The following TUB variants were observed in gnomAD, a reference collection of about 807,000 sequenced individuals.
The protein encoded by TUB is tubby protein homolog.
In TUB, 33 loss-of-function variants were observed where a neutral mutation model predicts 59.7. The ratio of observed to expected loss-of-function variants is 0.55; its 90% confidence interval spans 0.42 to 0.74. The LOEUF is 0.74. Among genes scored for constraint, TUB ranks in the 30% least tolerant of loss-of-function variants. The pLI, the probability that TUB is intolerant of heterozygous loss-of-function variation, is 0.00. For missense variants in TUB, 659 were observed against 672.0 expected (o/e 0.98, Z 0.21); for synonymous variants, 293 against 256.4 (o/e 1.14, Z -1.36).
Position 8,094,138 on chromosome 11 carries a change from G to A in TUB, c.346G>A (p.Ala116Thr). 1 of 1,614,132 alleles carries A rather than the reference G, an allele frequency of 6.2e-7. No individual in the cohort carries two copies. Residue 116 changes from alanine to threonine, a missense_variant, in exon 4 of 12, where the codon GCA (alanine) becomes ACA (threonine). Physicochemically the swap from Ala to Thr is moderately conservative, Grantham distance 58. This residue lies in a region of TUB where 321 missense variants were observed against 304.3 expected (regional missense o/e 1.05). Transcript: ENST00000299506. ...SAKRTKAAAT[A>T]GGQGGAARKE... ...CAAGAGAACCAAGGCGGCAGCTACA[G>A]CAGGGGGCCAGGGTGGCGCCGCTAG... is the stretch of plus-strand genomic sequence containing the variant.
At chr11:8,053,811 G>A (rs1030360438) in intron 2 of TUB, among the ~76,000 whole-genome samples, 14 of 145,988 alleles carry the variant, frequency 9.6e-5, no homozygotes, top group Admixed American at 8.9e-4. Context: ...AATAATTGTC[G>A]TTTTTAAAAG....
intron 5 of TUB, 119 bp from the exon 6 acceptor site, chr11:8,096,566 C>T: frequency 1.4e-6 from 1 of 732,484 alleles, no homozygotes; most frequent in Non-Finnish European, 2.5e-6. Context: ...AGAGTGTGTG[C>T]ATAAGTTTGT....
At chr11:8,073,186 C>T (rs1006039018) in intron 2 of TUB, among the ~76,000 whole-genome samples, 2 of 152,232 alleles carry the variant, frequency 1.3e-5, no homozygotes, top group Non-Finnish European at 2.9e-5. Context: ...TGACTCCAAT[C>T]CCATAGCACC....
chr11:8,038,599 AT>A (rs1233283531), upstream of TUB: 1 of 1,153,480 alleles, frequency 8.7e-7, no homozygotes, highest in African/African-American at 1.6e-5. Flanking sequence ...GAAACCAGCA[AT>A]TGGGTGTCCC....
rs1423089666 is a variant in TUB, at chr11:8,103,473, C to T, written c.*1854C>T. ...TTTTGACTTAAGTAGAAGTAATATG[C>T]TCTCATTTCTTTGTAATCTAGATTT... On this transcript the variant is annotated 3_prime_UTR_variant, in exon 12 of 12. Coordinates refer to ENST00000299506, the MANE Select transcript of TUB (RefSeq NM_177972.3). The T allele has an allele frequency of 1.3e-5, 2 of 151,974 alleles. No individual in the cohort carries two copies. The highest frequency in any genetic ancestry group is 4.8e-5 in the African/African-American group (2 of 41,250). The allele number at this position is 151,974 out of a possible 1,614,324, so 9.4% of individuals were successfully genotyped here.
intron 2 of TUB, among the ~76,000 whole-genome samples, chr11:8,061,422 G>T (rs1338044459): frequency 6.6e-6 from 1 of 152,114 alleles, no homozygotes; most frequent in East Asian, 1.9e-4. Flanking sequence ...AACACCCTGC[G>T]GTGCCTCTAC....
intron 2 of TUB, among the ~76,000 whole-genome samples, chr11:8,049,578 T>TATATATATATATATATATATAG (rs1055522231): frequency 2.3e-4 from 20 of 85,916 alleles, no homozygotes; most frequent in South Asian, 3.9e-4. Context: ...TATATATATA[T>TATATATATATATATATATATAG]ATAGATAGAT....
chr11:8,054,105 ACT>A (rs1564904078), intron 2 of TUB, among the ~76,000 whole-genome samples: 3 of 151,820 alleles, frequency 2.0e-5, no homozygotes, highest in African/African-American at 7.3e-5. Context: ...ACAGAGCGAG[ACT>A]CTGTCTCAAA....
At position 8,098,305 on chromosome 11, in the gene TUB, TG is replaced by T. The variant is rs535443282; in HGVS notation, c.999-449del. 1.1e-4 allele frequency among the ~76,000 whole-genome samples: 16 copies of T among 152,146 alleles called. No individual in the cohort carries two copies. The East Asian group carries it at 3.1e-3, about 29-fold the overall frequency. ...TTGCTGAGGAACTGAGTACCAGATT[TG>T]GGGAGCATAAATAAAGATGAGAGGT... On this transcript the variant is annotated intron_variant, in intron 8 of 11. Transcript: ENST00000299506.
intron 3 of TUB, among the ~76,000 whole-genome samples, chr11:8,092,232 G>A (rs1426115397): frequency 5.3e-5 from 8 of 152,044 alleles, no homozygotes; most frequent in East Asian, 1.9e-4. Context: ...GCTTGAGGGC[G>A]GAAGTTCAGG....
At chr11:8,077,496 CT>C (rs1943468228), upstream of TUB, 2 of 152,176 alleles carry the variant, frequency 1.3e-5, no homozygotes, top group African/African-American at 4.8e-5. Context: ...CATCCTCTGT[CT>C]GTATGGCCCT....
upstream of TUB, among the ~76,000 whole-genome samples, chr11:8,079,280 C>T (rs1043405583): frequency 6.6e-6 from 1 of 152,100 alleles, no homozygotes; most frequent in South Asian, 2.1e-4. Context: ...CTGGAGGGCG[C>T]GGCCTCCAGG....
chr11:8,100,597 G>C lies in TUB; in HGVS notation c.1211G>C (p.Arg404Pro), dbSNP rs144050808. 1 of 1,613,558 alleles carries C rather than the reference G, an allele frequency of 6.2e-7. No individual in the cohort carries two copies. The highest frequency in any genetic ancestry group is 8.5e-7 in the Non-Finnish European group (1 of 1,179,748). ...CATGAGAGAGTCTCTATCCGCCCCC[G>C]CAACGTGAGTGTCTACCCCTTCCTC... is the stretch of plus-strand genomic sequence containing the variant. ...MVHERVSIRP[R>P]NEHETLLARW... The change falls in exon 10 of 12, where the codon CGC becomes CCC. Residue 404 changes from arginine to proline, a missense_variant. Physicochemically the swap from Arg to Pro is moderately radical, Grantham distance 103. Around this residue, in one of 3 missense-constraint regions of TUB, gnomAD observed 226 missense variants for 210.8 expected, o/e 1.07. Coordinates refer to ENST00000299506, the MANE Select transcript of TUB (RefSeq NM_177972.3).
At chr11:8,058,084 T>C (rs1943049795) in intron 2 of TUB, among the ~76,000 whole-genome samples, 1 of 151,952 alleles carries the variant, frequency 6.6e-6, no homozygotes, top group Admixed American at 6.6e-5. Flanking sequence ...TGGTGGTACA[T>C]GCCTGTAGTC....
At chr11:8,040,542 G>A (rs1488185155) in intron 2 of TUB, among the ~76,000 whole-genome samples, 1 of 152,188 alleles carries the variant, frequency 6.6e-6, no homozygotes, top group Admixed American at 6.5e-5. Flanking sequence ...GAGAGCCAGG[G>A]GTCTCGAGTA....
chr11:8,062,665 G>C (rs1258064593), intron 2 of TUB, among the ~76,000 whole-genome samples: 1 of 152,136 alleles, frequency 6.6e-6, no homozygotes, highest in Non-Finnish European at 1.5e-5. Flanking sequence ...TAGAACAGTG[G>C]TTTGCATCAT....
In TUB at chr11:8,066,452, G is replaced by A. The variant is rs566868054; in HGVS notation, c.204-23158G>A. On this transcript the variant is annotated intron_variant, in intron 2 of 12. Coordinates refer to the TUB transcript ENST00000305253. ...AGCTCCACAGCCTGTGCCCTGACCC[G>A]GATCCCAGTCCCAGCCAGTTACTGT... Among the ~76,000 whole-genome samples, 17 of 152,302 alleles carry A rather than the reference G, an allele frequency of 1.1e-4. No homozygotes were observed. The East Asian group carries it at 1.9e-3, about 17-fold the overall frequency.
rs1338943201 is a variant in TUB at position 8,094,142 on chromosome 11, G to A, written c.350G>A (p.Gly117Glu). 2 of 1,614,114 alleles carry A rather than the reference G, an allele frequency of 1.2e-6. No homozygotes were observed. Among genetic ancestry groups the A allele is most frequent in the African/African-American group, 1.3e-5 (1 of 75,046 alleles). ...AGAACCAAGGCGGCAGCTACAGCAG[G>A]GGGCCAGGGTGGCGCCGCTAGGAAG... ...AKRTKAAATA[G>E]GQGGAARKEK... The change falls in exon 4 of 12, where the codon GGG becomes GAG. Residue 117 changes from glycine (G) to glutamate (E), a missense_variant. By Grantham distance (98) the Gly-to-Glu change is moderately conservative (BLOSUM62 -2). Around this residue, in one of 3 missense-constraint regions of TUB, gnomAD observed 321 missense variants for 304.3 expected, o/e 1.05. Coordinates refer to ENST00000299506, the MANE Select transcript of TUB (RefSeq NM_177972.3).
chr11:8,081,623 G>A (rs1270876891), intron 1 of TUB, 75 bp downstream of exon 1: 104 of 1,414,916 alleles, frequency 7.4e-5, no homozygotes, highest in Non-Finnish European at 9.3e-6. Context: ...CGCGGCCGGG[G>A]CGCAGGGCAC....
Sources: gnomAD v4.1 joint callset for allele counts (sites outside exome capture counted in the v4.1 genomes callset) on GRCh38, gnomAD v4.1.1 for gene constraint, gnomAD v4.1.1 regional missense constraint, MANE v1.5 for transcripts, NCBI Gene and HGNC (gene_info 2026-07-23, HGNC 2026-07-21) for gene names.